The following ARHGAP42 variants were observed in gnomAD, a reference collection of about 807,000 sequenced individuals.
The protein encoded by ARHGAP42 is Rho GTPase activating protein 42.
In ARHGAP42, 63 loss-of-function variants were observed where a neutral mutation model predicts 125.0. The ratio of observed to expected loss-of-function variants is 0.50; its 90% confidence interval spans 0.41 to 0.62. The LOEUF (loss-of-function observed/expected upper bound fraction) is 0.62. ARHGAP42 is among the 20% of genes least tolerant of loss of function. The probability of loss-of-function intolerance (pLI) is 0.00; values close to 1 mark genes in which losing one functional copy is unlikely to be tolerated. For synonymous variants in ARHGAP42, 339 were observed against 351.0 expected, an observed-to-expected ratio of 0.97 and a Z score of 0.38; for missense variants, 766 against 1,024.2, an observed-to-expected ratio of 0.75 and a Z score of 3.44.
intron 1 of ARHGAP42, among the ~76,000 whole-genome samples, chr11:100,737,276 A>G (rs1028259156): frequency 4.6e-5 from 7 of 152,214 alleles, no homozygotes; most frequent in African/African-American, 7.2e-5. Context: ...CCATTCCCAC[A>G]TGAATACAAA....
chr11:100,739,112 G>T (rs1420517792), intron 1 of ARHGAP42, among the ~76,000 whole-genome samples: 2 of 152,062 alleles, frequency 1.3e-5, no homozygotes, highest in East Asian at 3.8e-4. Context: ...TTTGACAGTG[G>T]CTTTTTTCTT....
At chr11:100,917,548 C>T (rs753083593) in intron 5 of ARHGAP42, among the ~76,000 whole-genome samples, 1 of 151,978 alleles carries the variant, frequency 6.6e-6, no homozygotes, top group African/African-American at 2.4e-5. Flanking sequence ...TCTGTTAATG[C>T]TAGTATTATG....
At chr11:100,751,281 T>TG (rs2120353220) in intron 1 of ARHGAP42, among the ~76,000 whole-genome samples, 1 of 60,316 alleles carries the variant, frequency 1.7e-5, no homozygotes, top group Admixed American at 1.6e-4. Context: ...GTGTGTGTGT[T>TG]TTTTTTTTTT....
At chr11:100,854,988 CTTA>C (rs920631227) in intron 3 of ARHGAP42, among the ~76,000 whole-genome samples, 8 of 152,134 alleles carry the variant, frequency 5.3e-5, no homozygotes, top group African/African-American at 1.9e-4. Flanking sequence ...GATCATTTCA[CTTA>C]TTATTACCTA....
intron 2 of ARHGAP42, among the ~76,000 whole-genome samples, chr11:100,784,198 A>G (rs991435403): frequency 4.6e-5 from 7 of 152,232 alleles, no homozygotes; most frequent in Admixed American, 4.6e-4. Flanking sequence ...TTCTAAGTGC[A>G]AAGTTTGAGA....
At chr11:100,719,930 A>G (rs957254310) in intron 1 of ARHGAP42, among the ~76,000 whole-genome samples, 2 of 152,022 alleles carry the variant, frequency 1.3e-5, no homozygotes, top group Admixed American at 6.6e-5. Context: ...CTGTAGTTTC[A>G]CCCCCAACCT....
chr11:100,713,389 C>T (rs1432272957), intron 1 of ARHGAP42, among the ~76,000 whole-genome samples: 3 of 152,162 alleles, frequency 2.0e-5, no homozygotes, highest in African/African-American at 7.2e-5. Flanking sequence ...TAAGATCTGC[C>T]ATTGATTAGA....
At chr11:100,961,622 C>A in intron 14 of ARHGAP42, 62 bp from the exon 15 acceptor site, 1 of 1,439,798 alleles carries the variant, frequency 6.9e-7, no homozygotes, top group South Asian at 1.3e-5. Context: ...GCCCATTTTT[C>A]ATAATTGCAT....
chr11:100,961,003 G>T lies in ARHGAP42; in HGVS notation c.1300+14G>T, dbSNP rs893033884. 6.6e-7 allele frequency: 1 copy of T among 1,513,674 alleles called. No individual in the cohort carries two copies. Among genetic ancestry groups the T allele is most frequent in the Admixed American group, 2.1e-5 (1 of 48,278 alleles). The allele number at this position is 1,513,674 out of a possible 1,614,324, so 93.8% of individuals were successfully genotyped here. ...ATACCACATTTTGTAAGTTTTGGATGAAGCAACTTACATAATTTTTGTGTT... is the reference window on the plus strand; with the variant it reads ...ATACCACATTTTGTAAGTTTTGGATTAAGCAACTTACATAATTTTTGTGTT... On this transcript the variant is annotated intron_variant, in intron 14 of 23. Coordinates refer to ENST00000298815, the MANE Select transcript of ARHGAP42 (RefSeq NM_152432.4).
In ARHGAP42 at chr11:100,886,031, C is replaced by T. The variant is rs77683828; in HGVS notation, c.384+26406C>T. On this transcript the variant is annotated intron_variant, in intron 4 of 23. Coordinates refer to ENST00000298815, the MANE Select transcript of ARHGAP42 (RefSeq NM_152432.4). ...TTTACCTCTTTTCAATGGGTGCTATCTCTTGGATGTGCTCAGACCCTGAGA... is the reference window on the plus strand; with the variant it reads ...TTTACCTCTTTTCAATGGGTGCTATTTCTTGGATGTGCTCAGACCCTGAGA... Among the ~76,000 whole-genome samples, 961 of 152,286 alleles carry T rather than the reference C, an allele frequency of 6.3e-3. 8 individuals are homozygous for T. The highest frequency in any genetic ancestry group is 0.022 in the African/African-American group (926 of 41,548).
At chr11:100,707,892 G>A (rs577823327) in intron 1 of ARHGAP42, among the ~76,000 whole-genome samples, 1 of 152,258 alleles carries the variant, frequency 6.6e-6, no homozygotes, top group East Asian at 1.9e-4. Context: ...GCCTTCTTTT[G>A]TGTGTTCCAT....
At chr11:100,790,384 G>C (rs1399942696) in intron 2 of ARHGAP42, among the ~76,000 whole-genome samples, 1 of 151,454 alleles carries the variant, frequency 6.6e-6, no homozygotes, top group Non-Finnish European at 1.5e-5. Flanking sequence ...ATATTATGTT[G>C]TAGAGATAAA....
At chr11:100,727,972 G>A (rs1861889686) in intron 1 of ARHGAP42, among the ~76,000 whole-genome samples, 1 of 152,082 alleles carries the variant, frequency 6.6e-6, no homozygotes, top group Admixed American at 6.5e-5. Flanking sequence ...CCTAAACTGT[G>A]GGGTCTGTGC....
chr11:100,837,852 G>A (rs1323112465), intron 3 of ARHGAP42, among the ~76,000 whole-genome samples: 1 of 142,740 alleles, frequency 7.0e-6, no homozygotes, highest in African/African-American at 2.5e-5. Flanking sequence ...ATTAGTTGTG[G>A]CTGTTTTTGT....
chr11:100,817,580 C>T (rs570308073), intron 3 of ARHGAP42, among the ~76,000 whole-genome samples: 4 of 152,074 alleles, frequency 2.6e-5, no homozygotes, highest in Non-Finnish European at 4.4e-5. Flanking sequence ...GTATAAGTTT[C>T]GTAAACTCAA....
chr11:100,779,386 G>A (rs1353012284), intron 2 of ARHGAP42, among the ~76,000 whole-genome samples: 24 of 146,868 alleles, frequency 1.6e-4, no homozygotes, highest in African/African-American at 3.8e-4. Flanking sequence ...CAGACTTTGC[G>A]GTGAGCCAAG....
intron 3 of ARHGAP42, among the ~76,000 whole-genome samples, chr11:100,858,421 G>A (rs566224941): frequency 1.3e-5 from 2 of 152,040 alleles, no homozygotes; most frequent in African/African-American, 2.4e-5. Context: ...TCTGCAAATC[G>A]AGGATTAACA....
chr11:100,825,615 C>A (rs1241515810), intron 3 of ARHGAP42, among the ~76,000 whole-genome samples: 1 of 152,128 alleles, frequency 6.6e-6, no homozygotes, highest in Non-Finnish European at 1.5e-5. Context: ...GAGCTTCCTC[C>A]AGTACCGTGT....
intron 4 of ARHGAP42, among the ~76,000 whole-genome samples, chr11:100,911,229 A>G (rs1207787894): frequency 2.0e-5 from 3 of 152,174 alleles, no homozygotes; most frequent in Non-Finnish European, 2.9e-5. Context: ...GAACAAATAG[A>G]ATGTCTGTGA....
Sources: allele counts gnomAD v4.1 joint callset (sites outside exome capture counted in the v4.1 genomes callset), GRCh38; gene constraint gnomAD v4.1.1; transcripts MANE v1.5; gene names NCBI Gene and HGNC (gene_info 2026-07-23, HGNC 2026-07-21).